The following STK32B variants were observed in gnomAD, a reference collection of about 807,000 sequenced individuals.
STK32B encodes serine/threonine-protein kinase 32B.
In STK32B, 43 loss-of-function variants were observed where a neutral mutation model predicts 52.6. The ratio of observed to expected loss-of-function variants is 0.82; its 90% CI spans 0.64 to 1.05. The LOEUF (loss-of-function observed/expected upper bound fraction) is 1.05. STK32B is among the 50% of genes least tolerant of loss of function. The pLI, the probability that STK32B is intolerant of heterozygous loss-of-function variation, is 0.00. For missense variants in STK32B, 621 were observed against 534.6 expected (o/e 1.16, Z -1.59); for synonymous variants, 238 against 204.3 (o/e 1.17, Z -1.41).
intron 3 of STK32B, among the ~76,000 whole-genome samples, chr4:5,232,348 T>A (rs1404538482): frequency 6.6e-6 from 1 of 152,210 alleles, no homozygotes; most frequent in Non-Finnish European, 1.5e-5. Context: ...TATTTAGAAA[T>A]ATGTGTAATA....
At chr4:5,325,485 T>A (rs1013473988) in intron 3 of STK32B, among the ~76,000 whole-genome samples, 10 of 152,184 alleles carry the variant, frequency 6.6e-5, no homozygotes, top group Non-Finnish European at 2.9e-5. Flanking sequence ...TGATTCTGTT[T>A]TCTTGGATTT....
chr4:5,446,609 T>A, intron 6 of STK32B, 64 bp from the exon 7 acceptor site: 1 of 1,350,740 alleles, frequency 7.4e-7, no homozygotes, highest in Non-Finnish European at 1.1e-6. Context: ...TTGTCCCCTC[T>A]CTAAGGGGTG....
At chr4:5,246,884 A>G (rs1725493618) in intron 3 of STK32B, among the ~76,000 whole-genome samples, 1 of 152,196 alleles carries the variant, frequency 6.6e-6, no homozygotes, top group African/African-American at 2.4e-5. Flanking sequence ...GCTGCAGAAC[A>G]GTGGATATTG....
intron 1 of STK32B, among the ~76,000 whole-genome samples, chr4:5,087,985 A>G (rs1317044566): frequency 6.6e-6 from 1 of 152,092 alleles, no homozygotes; most frequent in Non-Finnish European, 1.5e-5. Context: ...AACAACAGCA[A>G]AATGCACATT....
intron 1 of STK32B, among the ~76,000 whole-genome samples, chr4:5,099,237 A>T (rs1713567471): frequency 6.6e-6 from 1 of 152,178 alleles, no homozygotes; most frequent in Admixed American, 6.5e-5. Flanking sequence ...CAAATAATCC[A>T]GGATAATCTC....
intron 7 of STK32B, among the ~76,000 whole-genome samples, chr4:5,451,598 A>AC (rs1052191336): frequency 6.6e-6 from 1 of 152,200 alleles, no homozygotes; most frequent in Admixed American, 6.5e-5. Context: ...GAACAGTAGT[A>AC]CAGGCCCGTG....
chr4:5,112,578 A>G (rs2108803302), intron 1 of STK32B, among the ~76,000 whole-genome samples: 1 of 152,296 alleles, frequency 6.6e-6, no homozygotes, highest in South Asian at 2.1e-4. Context: ...GGCCACCCAC[A>G]TAGGGAGTCA....
chr4:5,177,605 C>T lies in STK32B; in HGVS notation c.260+9155C>T, dbSNP rs565779086. On this transcript the variant is annotated intron_variant, in intron 3 of 11. Transcript: ENST00000282908. ...AAGTCCAAGTCCAAAGTCTCATCTG[C>T]GACAAGGCAAGTCCCTTCCACCTAT... is the stretch of plus-strand genomic sequence containing the variant. 1.4e-4 allele frequency among the ~76,000 whole-genome samples: 22 copies of T among 152,230 alleles called. 1 individual carries two copies. The South Asian group carries it at 1.5e-3, about 10-fold the overall frequency.
rs1735706678 is a variant in STK32B, at chr4:5,378,268, A to G, written c.435-19939A>G. ...AAGACAGGCAAGGAGGGAACTGATG[A>G]GCGGGGACAAGGATGACAGTCCATG... On this transcript the variant is annotated intron_variant, in intron 4 of 11. Transcript: ENST00000282908. This position sits in a 1 kb window ranked among gnomAD's most constrained non-coding sequence, Gnocchi z 4.4. Among the ~76,000 whole-genome samples, 2 of 152,184 alleles carry G rather than the reference A, an allele frequency of 1.3e-5. No homozygotes were observed. Among genetic ancestry groups the G allele is most frequent in the Non-Finnish European group, 2.9e-5 (2 of 68,038 alleles).
At chr4:5,343,350 T>G (rs1181525467) in intron 4 of STK32B, among the ~76,000 whole-genome samples, 1 of 152,162 alleles carries the variant, frequency 6.6e-6, no homozygotes, top group South Asian at 2.1e-4. Context: ...AGTCTATCAT[T>G]GTTGGACATT....
rs958449181 is a variant in STK32B at position 5,230,334 on chromosome 4, C to T, written c.260+61884C>T. ...CCTCCAGAGTAGCTGGGACTACAGG[C>T]GCCTGCCACCACGCTTGGTTAGTTT... On this transcript the variant is annotated intron_variant, in intron 3 of 11. Coordinates refer to ENST00000282908, the MANE Select transcript of STK32B (RefSeq NM_018401.3). Among the ~76,000 whole-genome samples the T allele has an allele frequency of 4.6e-5, 7 of 151,684 alleles. No individual in the cohort carries two copies. In the South Asian group the frequency reaches 6.3e-4, roughly 14 times the overall value.
chr4:5,080,530 C>T (rs750544610), intron 1 of STK32B, among the ~76,000 whole-genome samples: 6 of 152,122 alleles, frequency 3.9e-5, no homozygotes, highest in Non-Finnish European at 5.9e-5. Context: ...CAGCTTTTCG[C>T]TCTTACTGAT....
chr4:5,359,115 G>A (rs759845661), intron 4 of STK32B, among the ~76,000 whole-genome samples: 2 of 152,182 alleles, frequency 1.3e-5, no homozygotes, highest in Non-Finnish European at 1.5e-5. Context: ...GCTTTATCTT[G>A]TAATAATTGC....
chr4:5,021,384 AGGT>A, the STK32B span, among the ~76,000 whole-genome samples: 1 of 152,158 alleles, frequency 6.6e-6, no homozygotes. Context: ...GTGTGCTTGG[AGGT>A]GGCAAGTGGA....
intron 2 of STK32B, among the ~76,000 whole-genome samples, chr4:5,155,235 C>G (rs1276573618): frequency 6.6e-6 from 1 of 152,204 alleles, no homozygotes; most frequent in Non-Finnish European, 1.5e-5. Context: ...TCGTCTCCAC[C>G]TCAACCTTCC....
At chr4:5,060,812 TC>T (rs1399057252) in intron 1 of STK32B, among the ~76,000 whole-genome samples, 2 of 152,226 alleles carry the variant, frequency 1.3e-5, no homozygotes, top group African/African-American at 4.8e-5. Flanking sequence ...GTTTTTTTCT[TC>T]AGCATTTTGA....
At chr4:5,146,929 G>T (rs968144003) in intron 2 of STK32B, among the ~76,000 whole-genome samples, 1 of 152,064 alleles carries the variant, frequency 6.6e-6, no homozygotes, top group African/African-American at 2.4e-5. Context: ...AAATTTTGGA[G>T]TTGCTTATCA....
At chr4:5,223,044 C>G (rs1362937102) in intron 3 of STK32B, among the ~76,000 whole-genome samples, 1 of 152,114 alleles carries the variant, frequency 6.6e-6, no homozygotes, top group East Asian at 1.9e-4. Context: ...GAGCTCAGGA[C>G]CATCTCAAGT....
chr4:5,326,293 GC>G (rs1731870331), intron 3 of STK32B, among the ~76,000 whole-genome samples: 1 of 152,080 alleles, frequency 6.6e-6, no homozygotes, highest in Non-Finnish European at 1.5e-5. Flanking sequence ...TTCTTTTGGG[GC>G]ATCTATATTC....
Sources: gnomAD v4.1 joint callset for allele counts (sites outside exome capture counted in the v4.1 genomes callset) on GRCh38, gnomAD v4.1.1 for gene constraint, Gnocchi (gnomAD v3.1) non-coding constraint, MANE v1.5 for transcripts, NCBI Gene and HGNC (gene_info 2026-07-23, HGNC 2026-07-21) for gene names.